Variants in AZIN1 observed in about 807,000 individuals in gnomAD.
The protein encoded by AZIN1 is antizyme inhibitor 1.
Under a neutral mutation model 47.4 loss-of-function variants are expected in AZIN1, and 12 were observed. The observed-to-expected ratio is 0.25, with a 90% CI of 0.16 to 0.41. The LOEUF is 0.41. AZIN1 is among the 10% of genes least tolerant of loss of function. The probability of loss-of-function intolerance (pLI) is 1.00; values close to 1 mark genes in which losing one functional copy is unlikely to be tolerated. For synonymous variants in AZIN1, 155 were observed against 176.3 expected (o/e 0.88, Z 0.96); for missense variants, 410 against 532.4 (o/e 0.77, Z 2.26).
In AZIN1 at chr8:102,828,696, C is replaced by T. The variant is rs372020918; in HGVS notation, c.1236-18G>A. 4 of 1,545,650 alleles carry T rather than the reference C, an allele frequency of 2.6e-6. No individual in the cohort carries two copies. The highest frequency in any genetic ancestry group is 3.5e-5 in the Admixed American group (2 of 57,950). ...TCTCATACCTACGTAGAAAAAAAAT[C>T]AGCTAAATTCTCAGTTTAAGCCCAA... On this transcript the variant is annotated intron_variant, in intron 11 of 11. Transcript: ENST00000337198.
rs1280606237 is a variant in AZIN1 at position 102,829,895 on chromosome 8, T to G, written c.946A>C (p.Met316Leu). 6.2e-7 allele frequency: 1 copy of G among 1,613,308 alleles called. No individual in the cohort carries two copies. Among genetic ancestry groups the G allele is most frequent in the Non-Finnish European group, 8.5e-7 (1 of 1,179,700 alleles). The change falls in exon 10 of 12, where the codon ATG (methionine) becomes CTG (leucine). Residue 316 changes from methionine to leucine, a missense_variant. Coordinates refer to ENST00000337198, the MANE Select transcript of AZIN1 (RefSeq NM_148174.4). ...GSDEPAFMYY[M>L]NDGVYGSFAS... ...AAAGAACCATAAACACCATCATTCA[T>G]ATAATACATGAAGGCTGGTTCATCA...
rs200583111 is a variant in AZIN1 at position 102,829,526 on chromosome 8, T to C, written c.1021-40A>G. 48 of 1,505,532 alleles carry C rather than the reference T, an allele frequency of 3.2e-5. No homozygotes were observed. The East Asian group carries it at 8.1e-4, about 25-fold the overall frequency. The allele number at this position is 1,505,532 out of a possible 1,614,324, so 93.3% of individuals were successfully genotyped here. A position where few individuals can be genotyped will look rare whatever the true frequency, so the allele number is the denominator to read the frequency against. On this transcript the variant is annotated intron_variant, in intron 10 of 11. Coordinates refer to ENST00000337198, the MANE Select transcript of AZIN1 (RefSeq NM_148174.4). ...TTACAATTTAATTTTTACTCATACTTACGCAGGTATTGAATTTGTGAGTAA... is the reference window on the plus strand; with the variant it reads ...TTACAATTTAATTTTTACTCATACTCACGCAGGTATTGAATTTGTGAGTAA...
intron 1 of AZIN1, among the ~76,000 whole-genome samples, chr8:102,860,646 C>A (rs1437439045): frequency 6.6e-6 from 1 of 152,206 alleles, no homozygotes; most frequent in Non-Finnish European, 1.5e-5. Context: ...ATCAGCCTTC[C>A]GAAGTGCTGG....
Position 102,829,811 on chromosome 8 carries a change from T to C in AZIN1, c.1020+10A>G, listed in dbSNP as rs996886390. 6.3e-7 allele frequency: 1 copy of C among 1,584,600 alleles called. No individual in the cohort carries two copies. Among genetic ancestry groups the C allele is most frequent in the Non-Finnish European group, 8.6e-7 (1 of 1,158,336 alleles). On this transcript the variant is annotated intron_variant, in intron 10 of 11. Transcript: ENST00000337198. ...GCCAAATAGGTTTTGATATTTCTGA[T>C]AAAACTTGCCTTGTGAACCTCTGGA...
In AZIN1 at chr8:102,826,649, T is replaced by C. The variant is rs556416023; in HGVS notation, c.*1918A>G. 9 of 152,764 alleles carry C rather than the reference T, an allele frequency of 5.9e-5. No individual in the cohort carries two copies. The highest frequency in any genetic ancestry group is 1.9e-4 in the African/African-American group (8 of 41,570). 9.5% of individuals were successfully genotyped at this position (152,764 alleles called of 1,614,324 possible). Reference sequence around the variant, plus strand: ...ATATTTGCAACTCTGAGCTATTTCTTATAGAACAGCTCTCCTGCAGATATG... The same window carrying C: ...ATATTTGCAACTCTGAGCTATTTCTCATAGAACAGCTCTCCTGCAGATATG... On this transcript the variant is annotated 3_prime_UTR_variant, in exon 12 of 12. Transcript: ENST00000337198.
intron 2 of AZIN1, among the ~76,000 whole-genome samples, chr8:102,844,279 G>A (rs532122405): frequency 5.9e-5 from 9 of 152,068 alleles, no homozygotes; most frequent in African/African-American, 1.2e-4. Flanking sequence ...GGCCCAGGCC[G>A]GTAGATTGCA....
At chr8:102,828,728 C>A (rs367698387) in intron 11 of AZIN1, 50 bp from the exon 12 acceptor site, 10 of 1,140,758 alleles carry the variant, frequency 8.8e-6, no homozygotes, top group Non-Finnish European at 1.3e-5. Context: ...CCAAAGACCA[C>A]GTAATCACAT....
In AZIN1 at chr8:102,827,659, T is replaced by C. The variant is rs370225363; in HGVS notation, c.*908A>G. 6 of 152,598 alleles carry C rather than the reference T, an allele frequency of 3.9e-5. No homozygotes were observed. Among genetic ancestry groups the C allele is most frequent in the African/African-American group, 1.4e-4 (6 of 41,438 alleles). 9.5% of individuals were successfully genotyped at this position (152,598 alleles called of 1,614,324 possible). A position where few individuals can be genotyped will look rare whatever the true frequency, so the allele number is the denominator to read the frequency against. ...AGAATCTTCCATTTCAGCCAAAAGATTGTGATTCAAAGATTTACTAAGGTA... is the reference window on the plus strand; with the variant it reads ...AGAATCTTCCATTTCAGCCAAAAGACTGTGATTCAAAGATTTACTAAGGTA... On this transcript the variant is annotated 3_prime_UTR_variant, in exon 12 of 12. Transcript: ENST00000337198.
intron 3 of AZIN1, among the ~76,000 whole-genome samples, chr8:102,842,607 T>C (rs1211014552): frequency 6.6e-6 from 1 of 151,584 alleles, no homozygotes; most frequent in African/African-American, 2.4e-5. Context: ...CTTGGGAGGC[T>C]GAGGCAGGAG....
intron 7 of AZIN1, 24 bp from the exon 8 acceptor site, chr8:102,834,287 A>T (rs771382286): frequency 6.9e-6 from 11 of 1,590,354 alleles, no homozygotes; most frequent in African/African-American, 5.4e-5. Context: ...AAAAAAATTT[A>T]AATGTTTTTC....
At chr8:102,847,525 A>T (rs945101103) in intron 2 of AZIN1, among the ~76,000 whole-genome samples, 16 of 151,968 alleles carry the variant, frequency 1.1e-4, no homozygotes. Flanking sequence ...GGTGGTGGTA[A>T]TGAACTCCCT....
chr8:102,854,035 G>A (rs959640537), intron 2 of AZIN1, among the ~76,000 whole-genome samples: 2 of 151,926 alleles, frequency 1.3e-5, no homozygotes, highest in African/African-American at 2.4e-5. Flanking sequence ...TCCGCCTCCC[G>A]GGTTCAAGCA....
upstream of AZIN1, chr8:102,864,190 A>G (rs575902522): frequency 1.4e-4 from 27 of 186,730 alleles, 2 homozygotes; most frequent in Admixed American, 1.6e-3. Context: ...CGACGCCAGT[A>G]TTTATATTAG....
At chr8:102,847,745 G>A (rs1435029170) in intron 2 of AZIN1, among the ~76,000 whole-genome samples, 2 of 151,984 alleles carry the variant, frequency 1.3e-5, no homozygotes, top group Non-Finnish European at 2.9e-5. Context: ...ATCATGTCCA[G>A]CTAATTTTTT....
At position 102,838,927 on chromosome 8, in the gene AZIN1, G is replaced by T. The variant is rs765521005; in HGVS notation, c.277-11C>A. On this transcript the variant is annotated splice_polypyrimidine_tract_variant and intron_variant, in intron 4 of 11. Transcript: ENST00000337198. ...TAAAGCCATTTCATTCTGTGAAAAT[G>T]AGGTTAAAGTGAGAATACATAATGT... 54 of 1,606,796 alleles carry T rather than the reference G, an allele frequency of 3.4e-5. No individual in the cohort carries two copies. The South Asian group carries it at 5.9e-4, about 18-fold the overall frequency.
chr8:102,854,701 A>C (rs1813172911), intron 2 of AZIN1, among the ~76,000 whole-genome samples: 1 of 150,760 alleles, frequency 6.6e-6, no homozygotes, highest in Non-Finnish European at 1.5e-5. Flanking sequence ...ACTAAAGATT[A>C]GGAGACAAAA....
chr8:102,848,726 T>A (rs1233961652), intron 2 of AZIN1, among the ~76,000 whole-genome samples: 1 of 152,192 alleles, frequency 6.6e-6, no homozygotes, highest in Non-Finnish European at 1.5e-5. Flanking sequence ...ACCTCTGGGA[T>A]CACTGCTTGC....
At chr8:102,848,072 G>A (rs550136636) in intron 2 of AZIN1, among the ~76,000 whole-genome samples, 3 of 152,124 alleles carry the variant, frequency 2.0e-5, no homozygotes, top group Non-Finnish European at 1.5e-5. Flanking sequence ...TTACCACTGT[G>A]TTACAACTGT....
intron 5 of AZIN1, among the ~76,000 whole-genome samples, chr8:102,837,328 T>C (rs757784119): frequency 5.9e-5 from 9 of 152,216 alleles, no homozygotes; most frequent in Non-Finnish European, 1.2e-4. Context: ...CAAGACAAGA[T>C]GACTAAAACT....
Sources: allele counts gnomAD v4.1 joint callset (sites outside exome capture counted in the v4.1 genomes callset), GRCh38; gene constraint gnomAD v4.1.1; transcripts MANE v1.5; gene names NCBI Gene and HGNC (gene_info 2026-07-23, HGNC 2026-07-21).